Variants in RMP64 observed in about 807,000 individuals in gnomAD.
RMP64 encodes the protein ribonuclease MRP subunit p64, also known as nucleolus and neural progenitor protein.
At chr3:113,016,738 C>T in the RMP64 span, among the ~76,000 whole-genome samples, 1 of 152,168 alleles carries the variant, frequency 6.6e-6, no homozygotes, top group Non-Finnish European at 1.5e-5. Flanking sequence ...CTCCTCTATA[C>T]ACAGCACTAA....
At chr3:113,004,452 A>C in the RMP64 span, 3 of 152,250 alleles carry the variant, frequency 2.0e-5, no homozygotes, top group South Asian at 2.1e-4. Context: ...AAAGCCAAAT[A>C]AAGAATGGAA....
chr3:113,007,652 A>G, the RMP64 span, among the ~76,000 whole-genome samples: 15 of 151,982 alleles, frequency 9.9e-5, no homozygotes, highest in African/African-American at 3.6e-4. Context: ...GAATATAAAA[A>G]TCACAGAAAA....
At chr3:113,013,464 T>G in the RMP64 span, 1,116 of 367,054 alleles carry the variant, frequency 3.0e-3, 1 homozygote, top group Admixed American at 0.011. Flanking sequence ...TTTTTTTTGT[T>G]TTTTTTTTTT....
the RMP64 span, chr3:113,003,669 C>G: frequency 1.3e-5 from 2 of 152,064 alleles, no homozygotes; most frequent in Non-Finnish European, 2.9e-5. Context: ...CCAGTCCATG[C>G]TATATTGTCC....
At chr3:113,019,513 C>A in the RMP64 span, 3 of 1,564,130 alleles carry the variant, frequency 1.9e-6, no homozygotes, top group Non-Finnish European at 2.6e-6. Flanking sequence ...CGGAAACGTT[C>A]CCCCATCCTC....
At chr3:113,017,682 A>G in the RMP64 span, 16 of 1,277,416 alleles carry the variant, frequency 1.3e-5, no homozygotes, top group Non-Finnish European at 1.5e-5. Context: ...TAAAAAAAGC[A>G]TCTTTCCTTA....
the RMP64 span, chr3:113,011,233 A>G: frequency 6.2e-7 from 1 of 1,612,740 alleles, no homozygotes; most frequent in Non-Finnish European, 8.5e-7. Flanking sequence ...AGCTATAGGC[A>G]TTTTTTTCTT....
chr3:113,011,144 T>C, the RMP64 span: 13 of 1,613,622 alleles, frequency 8.1e-6, no homozygotes, highest in Non-Finnish European at 1.0e-5. Context: ...CCAAGCAAGG[T>C]TTCTTCACTG....
At chr3:113,007,033 A>G in the RMP64 span, among the ~76,000 whole-genome samples, 1 of 152,214 alleles carries the variant, frequency 6.6e-6, no homozygotes, top group African/African-American at 2.4e-5. Flanking sequence ...TGGTTTAACC[A>G]ATAAACACCA....
At chr3:113,007,216 A>G in the RMP64 span, among the ~76,000 whole-genome samples, 3 of 152,086 alleles carry the variant, frequency 2.0e-5, no homozygotes. Flanking sequence ...CAATGTAAAA[A>G]CCCCTCAAGC....
At chr3:113,003,798 G>GA in the RMP64 span, 8 of 152,136 alleles carry the variant, frequency 5.3e-5, no homozygotes, top group Non-Finnish European at 1.0e-4. Flanking sequence ...TAAGCCTGAG[G>GA]AAACTGACTA....
the RMP64 span, among the ~76,000 whole-genome samples, chr3:113,007,789 C>G: frequency 6.6e-6 from 1 of 152,206 alleles, no homozygotes; most frequent in African/African-American, 2.4e-5. Flanking sequence ...CCTTATCCCA[C>G]TGCACTGCAC....
At chr3:113,006,839 C>G in the RMP64 span, among the ~76,000 whole-genome samples, 1 of 152,156 alleles carries the variant, frequency 6.6e-6, no homozygotes, top group Admixed American at 6.5e-5. Flanking sequence ...GAACTGAGTT[C>G]CACATCTAAC....
chr3:113,017,681 C>T, the RMP64 span: 2 of 1,291,882 alleles, frequency 1.5e-6, no homozygotes, highest in East Asian at 2.4e-5. Flanking sequence ...CTAAAAAAAG[C>T]ATCTTTCCTT....
chr3:113,018,000 C>T, the RMP64 span, among the ~76,000 whole-genome samples: 5 of 152,312 alleles, frequency 3.3e-5, no homozygotes, highest in South Asian at 6.2e-4. Context: ...CTCCCCATGT[C>T]GCTATGCCCG....
At chr3:113,012,296 G>T in the RMP64 span, among the ~76,000 whole-genome samples, 1 of 152,166 alleles carries the variant, frequency 6.6e-6, no homozygotes, top group African/African-American at 2.4e-5. Flanking sequence ...GTGACAGAAA[G>T]AATCAAGTGA....
chr3:113,005,974 C>T, the RMP64 span: 6 of 1,612,888 alleles, frequency 3.7e-6, no homozygotes, highest in Non-Finnish European at 5.1e-6. Context: ...TGCAAATAGA[C>T]GTTTTTATGC....
chr3:113,007,717 C>A, the RMP64 span, among the ~76,000 whole-genome samples: 1 of 152,208 alleles, frequency 6.6e-6, no homozygotes, highest in Non-Finnish European at 1.5e-5. Context: ...AACAGTACAA[C>A]ACCCCAGCAG....
chr3:113,011,581 AT>A, the RMP64 span: 1 of 464,514 alleles, frequency 2.2e-6, no homozygotes, highest in South Asian at 6.2e-5. Flanking sequence ...CAACAGAAAA[AT>A]CCAAGTATAA....
Sources: gnomAD v4.1 joint callset for allele counts (sites outside exome capture counted in the v4.1 genomes callset) on GRCh38, gnomAD v4.1.1 for gene constraint, MANE v1.5 for transcripts, NCBI Gene and HGNC (gene_info 2026-07-23, HGNC 2026-07-21) for gene names.